The following NTRK3 variants were observed in gnomAD, a reference collection of about 807,000 sequenced individuals.
NTRK3 encodes the protein NT-3 growth factor receptor.
In NTRK3, 24 loss-of-function variants were observed where a neutral mutation model predicts 91.7. That is an observed-to-expected ratio of 0.26 (90% CI 0.19 to 0.37). The LOEUF (loss-of-function observed/expected upper bound fraction) is 0.37, where lower values mean the gene tolerates loss of function less well. NTRK3 is among the 10% of genes least tolerant of loss of function. The probability of loss-of-function intolerance (pLI) is 1.00; values close to 1 mark genes in which losing one functional copy is unlikely to be tolerated. For synonymous variants in NTRK3, 483 were observed against 404.0 expected (o/e 1.20, Z -2.34); for missense variants, 880 against 1,068.9 (o/e 0.82, Z 2.46).
intron 3 of NTRK3, among the ~76,000 whole-genome samples, chr15:88,207,678 G>A (rs1199413525): frequency 6.6e-6 from 1 of 152,300 alleles, no homozygotes; most frequent in African/African-American, 2.4e-5. Context: ...CTCTGCTGCA[G>A]GCAAAAGAAG....
chr15:88,155,066 T>C (rs1019690264), intron 5 of NTRK3, among the ~76,000 whole-genome samples: 1 of 152,220 alleles, frequency 6.6e-6, no homozygotes, highest in Admixed American at 6.5e-5. Flanking sequence ...TCTACGGTCA[T>C]GTTCCAGGCA....
At chr15:87,981,463 G>C in intron 14 of NTRK3, 2 of 1,533,638 alleles carry the variant, frequency 1.3e-6, no homozygotes, top group Non-Finnish European at 1.8e-6. Flanking sequence ...GCCAGAAACA[G>C]AAATCCAGGT....
At chr15:87,918,748 A>G (rs549337749) in intron 17 of NTRK3, among the ~76,000 whole-genome samples, 4 of 152,160 alleles carry the variant, frequency 2.6e-5, no homozygotes, top group Non-Finnish European at 4.4e-5. Flanking sequence ...CCCATCCCTC[A>G]CACATGGATC....
intron 14 of NTRK3, among the ~76,000 whole-genome samples, chr15:88,019,533 G>C (rs2077463768): frequency 6.6e-6 from 1 of 152,206 alleles, no homozygotes; most frequent in Non-Finnish European, 1.5e-5. Flanking sequence ...TGACTGGCTT[G>C]GGAATAAACA....
chr15:88,010,314 G>C (rs1358433290), intron 14 of NTRK3, among the ~76,000 whole-genome samples: 1 of 152,046 alleles, frequency 6.6e-6, no homozygotes, highest in Non-Finnish European at 1.5e-5. Context: ...CTAAAACACG[G>C]CTCCAGTCCA....
intron 13 of NTRK3, among the ~76,000 whole-genome samples, chr15:88,086,573 G>C (rs1008261300): frequency 6.6e-6 from 1 of 151,952 alleles, no homozygotes; most frequent in Non-Finnish European, 1.5e-5. Flanking sequence ...CTCGTATTCT[G>C]ATTAGACAGC....
intron 13 of NTRK3, among the ~76,000 whole-genome samples, chr15:88,102,638 T>C (rs2050292847): frequency 6.6e-6 from 1 of 152,158 alleles, no homozygotes; most frequent in South Asian, 2.1e-4. Context: ...TGTACAACTA[T>C]TATATATCCA....
intron 13 of NTRK3, among the ~76,000 whole-genome samples, chr15:88,106,743 C>G (rs2050749205): frequency 6.6e-6 from 1 of 151,962 alleles, no homozygotes; most frequent in Admixed American, 6.6e-5. Flanking sequence ...CCAGCCTGAC[C>G]AACATGGTGA....
At chr15:88,184,122 G>T in intron 4 of NTRK3, 103 bp downstream of exon 4, 1 of 1,114,944 alleles carries the variant, frequency 9.0e-7, no homozygotes. Flanking sequence ...GAGAAAGCAC[G>T]GATGGCAGTC....
intron 14 of NTRK3, among the ~76,000 whole-genome samples, chr15:87,979,977 G>A (rs1339126820): frequency 1.3e-5 from 2 of 152,168 alleles, no homozygotes; most frequent in Non-Finnish European, 2.9e-5. Context: ...ACCACACCAG[G>A]AGGTGGGGGT....
intron 5 of NTRK3, among the ~76,000 whole-genome samples, chr15:88,157,827 G>T (rs2044060510): frequency 6.6e-6 from 1 of 152,164 alleles, no homozygotes; most frequent in African/African-American, 2.4e-5. Flanking sequence ...GGATCCCAGA[G>T]GTTAAGCCAG....
intron 13 of NTRK3, among the ~76,000 whole-genome samples, chr15:88,100,878 A>C (rs1296693736): frequency 1.3e-5 from 2 of 152,240 alleles, no homozygotes; most frequent in African/African-American, 4.8e-5. Flanking sequence ...AGTTGGATTA[A>C]AGACTTAAAT....
intron 17 of NTRK3, among the ~76,000 whole-genome samples, chr15:87,891,322 G>T (rs1398096364): frequency 1.3e-5 from 2 of 152,086 alleles, no homozygotes; most frequent in African/African-American, 4.8e-5. Flanking sequence ...TACACAATTA[G>T]GCTTATTTGT....
chr15:88,013,814 C>T (rs2141805689), intron 14 of NTRK3, among the ~76,000 whole-genome samples: 1 of 152,184 alleles, frequency 6.6e-6, no homozygotes, highest in Non-Finnish European at 1.5e-5. Flanking sequence ...TGGTGGTGCG[C>T]CTGTAGTCTC....
intron 13 of NTRK3, among the ~76,000 whole-genome samples, chr15:88,107,649 A>G (rs372676220): frequency 5.3e-5 from 8 of 152,040 alleles, no homozygotes; most frequent in South Asian, 2.1e-4. Context: ...GTCTCTCAAG[A>G]GCAGTGAGAG....
intron 14 of NTRK3, among the ~76,000 whole-genome samples, chr15:87,956,534 G>A (rs1367804325): frequency 3.8e-4 from 54 of 140,994 alleles, no homozygotes; most frequent in Middle Eastern, 9.9e-3. Flanking sequence ...TAAGCCTCCC[G>A]AAGTGCTAGG....
intron 3 of NTRK3, among the ~76,000 whole-genome samples, chr15:88,204,574 A>T (rs2048580649): frequency 6.6e-6 from 1 of 152,058 alleles, no homozygotes; most frequent in African/African-American, 2.4e-5. Context: ...TTGGGATCAG[A>T]GTTTTTGTGG....
At chr15:87,973,219 G>A (rs760301093) in intron 14 of NTRK3, among the ~76,000 whole-genome samples, 6 of 152,178 alleles carry the variant, frequency 3.9e-5, no homozygotes, top group Non-Finnish European at 5.9e-5. Context: ...ACACAGAGGG[G>A]TGTTAGACCT....
At chr15:88,056,322 T>A (rs1354719119) in intron 13 of NTRK3, among the ~76,000 whole-genome samples, 2 of 151,734 alleles carry the variant, frequency 1.3e-5, no homozygotes, top group Non-Finnish European at 2.9e-5. Flanking sequence ...AGTGATGGGC[T>A]TTAAATATTA....
Sources: allele counts gnomAD v4.1 joint callset (sites outside exome capture counted in the v4.1 genomes callset), GRCh38; gene constraint gnomAD v4.1.1; transcripts MANE v1.5; gene names NCBI Gene and HGNC (gene_info 2026-07-23, HGNC 2026-07-21).